Variants in ZFYVE9 observed in about 807,000 individuals in gnomAD.
ZFYVE9 encodes the protein zinc finger FYVE domain-containing protein 9.
A neutral mutation model predicts 126.7 loss-of-function variants in ZFYVE9; 43 were observed. That is an observed-to-expected ratio of 0.34 (90% CI 0.27 to 0.44). The LOEUF (loss-of-function observed/expected upper bound fraction) is 0.44, where lower values mean the gene tolerates loss of function less well. Among genes scored for constraint, ZFYVE9 ranks in the 20% least tolerant of loss-of-function variants. The probability of loss-of-function intolerance (pLI) is 1.00; values close to 1 mark genes in which losing one functional copy is unlikely to be tolerated. For missense variants in ZFYVE9, 1,476 were observed against 1,697.0 expected, an observed-to-expected ratio of 0.87 and a Z score of 2.29; for synonymous variants, 521 against 597.4, an observed-to-expected ratio of 0.87 and a Z score of 1.87.
Position 52,253,756 on chromosome 1 carries a change from C to T in ZFYVE9, c.2179-10017C>T, listed in dbSNP as rs114556240. The T allele has an allele frequency of 9.0e-4, 1,443 of 1,607,542 alleles. 11 individuals are homozygous for T. In the African/African-American group the frequency reaches 0.017, roughly 19 times the overall value. ...ACCAGGATTTGGAGTGGATCAGTTA[C>T]GAGATGACAATCTAGAAACTTATTG... On this transcript the variant is annotated intron_variant, in intron 4 of 18. Transcript: ENST00000287727.
chr1:52,219,804 G>GTGT lies in ZFYVE9; in HGVS notation c.-37+3330_-37+3331insTGT, dbSNP rs1553126056. On this transcript the variant is annotated intron_variant, in intron 2 of 18. Transcript: ENST00000287727. Reference sequence around the variant, plus strand: ...GTGTGTGTGTGTGTGTGTGTGTGTGGCAGAGTCTTACTCTGTCGCCCGGGC... The same window carrying GTGT: ...GTGTGTGTGTGTGTGTGTGTGTGTGGTGTCAGAGTCTTACTCTGTCGCCCGGGC... Among the ~76,000 whole-genome samples, 407 of 88,130 alleles carry GTGT rather than the reference G, an allele frequency of 4.6e-3. 3 individuals are homozygous for GTGT. Among genetic ancestry groups the GTGT allele is most frequent in the Middle Eastern group, 0.019 (3 of 154 alleles). 57.8% of individuals were successfully genotyped at this position (88,130 alleles called of 152,430 possible). A position where few individuals can be genotyped will look rare whatever the true frequency, so the allele number is the denominator to read the frequency against.
At chr1:52,186,699 C>T (rs1484461311) in intron 1 of ZFYVE9, among the ~76,000 whole-genome samples, 1 of 152,126 alleles carries the variant, frequency 6.6e-6, no homozygotes, top group Non-Finnish European at 1.5e-5. Context: ...ATTAGAAACG[C>T]AATCCCATTC....
At chr1:52,260,643 C>G (rs1480104524) in intron 4 of ZFYVE9, among the ~76,000 whole-genome samples, 2 of 151,920 alleles carry the variant, frequency 1.3e-5, no homozygotes. Flanking sequence ...CTGGTGAAAC[C>G]CCATCTCTAC....
At chr1:52,252,122 G>T in intron 4 of ZFYVE9, 1 of 161,656 alleles carries the variant, frequency 6.2e-6, no homozygotes. Flanking sequence ...TATGATAGCA[G>T]AAGATCTACC....
chr1:52,346,465 A>G lies in ZFYVE9; in HGVS notation c.*244A>G. ...ATCTGGGCAGCTTCTGTTCCTGCAC[A>G]ACAGTTATGCTATCCTTGCAGCTAA... On this transcript the variant is annotated 3_prime_UTR_variant, in exon 19 of 19. Coordinates refer to ENST00000287727, the MANE Select transcript of ZFYVE9 (RefSeq NM_004799.4). 2.2e-6 allele frequency: 1 copy of G among 446,482 alleles called. No homozygotes were observed. The highest frequency in any genetic ancestry group is 4.0e-6 in the Non-Finnish European group (1 of 253,000). The allele number at this position is 446,482 out of a possible 1,614,324, so 27.7% of individuals were successfully genotyped here.
intron 13 of ZFYVE9, among the ~76,000 whole-genome samples, chr1:52,314,190 A>C (rs1345245642): frequency 6.6e-6 from 1 of 152,224 alleles, no homozygotes; most frequent in Non-Finnish European, 1.5e-5. Context: ...ATTGTATAAA[A>C]ATTCACATAA....
chr1:52,311,295 A>C (rs1646135021), intron 13 of ZFYVE9, among the ~76,000 whole-genome samples: 1 of 131,248 alleles, frequency 7.6e-6, no homozygotes. Flanking sequence ...ATGGAGTTTC[A>C]CTCTTGTCAC....
chr1:52,187,959 A>G (rs1261712001), intron 1 of ZFYVE9, among the ~76,000 whole-genome samples: 1 of 152,240 alleles, frequency 6.6e-6, no homozygotes, highest in African/African-American at 2.4e-5. Flanking sequence ...CATTTGACCA[A>G]GCAATCCCAT....
chr1:52,332,523 T>A (rs1646351889), intron 13 of ZFYVE9, among the ~76,000 whole-genome samples: 1 of 152,182 alleles, frequency 6.6e-6, no homozygotes, highest in African/African-American at 2.4e-5. Context: ...AAAAAGTGAA[T>A]GCAAAATGTA....
intron 12 of ZFYVE9, among the ~76,000 whole-genome samples, chr1:52,297,912 G>T (rs935389270): frequency 1.3e-5 from 2 of 149,382 alleles, no homozygotes; most frequent in East Asian, 4.1e-4. Flanking sequence ...TAGTAGAGGC[G>T]CATGTTGGCC....
intron 13 of ZFYVE9, among the ~76,000 whole-genome samples, chr1:52,331,850 C>T (rs915159962): frequency 2.7e-5 from 4 of 148,516 alleles, no homozygotes; most frequent in African/African-American, 7.4e-5. Flanking sequence ...GCGATCTTGG[C>T]TCACTGCAAG....
chr1:52,317,393 G>A (rs550024435), intron 13 of ZFYVE9, among the ~76,000 whole-genome samples: 262 of 151,684 alleles, frequency 1.7e-3, no homozygotes, highest in Non-Finnish European at 1.8e-3. Context: ...ATGATGGTGC[G>A]TGTCTGTAAT....
rs1480710916 is a variant in ZFYVE9, at chr1:52,142,892, C to G, written c.-143+489C>G. Reference sequence around the variant, plus strand: ...ATTGGGGGTGCAGAGAGTGCGGGACCAAGAGAGCCCCTGCTACTCCTGGAG... The same window carrying G: ...ATTGGGGGTGCAGAGAGTGCGGGACGAAGAGAGCCCCTGCTACTCCTGGAG... On this transcript the variant is annotated intron_variant, in intron 1 of 18. Transcript: ENST00000287727. The surrounding 1 kb of genome is among the most constrained non-coding windows in gnomAD (Gnocchi z 4.5). 2.0e-5 allele frequency among the ~76,000 whole-genome samples: 3 copies of G among 152,116 alleles called. No homozygotes were observed. Among genetic ancestry groups the G allele is most frequent in the Non-Finnish European group, 4.4e-5 (3 of 68,014 alleles).
chr1:52,231,256 G>A (rs994721765), intron 2 of ZFYVE9, among the ~76,000 whole-genome samples: 2 of 152,168 alleles, frequency 1.3e-5, no homozygotes, highest in Non-Finnish European at 2.9e-5. Flanking sequence ...GGTGGCTCAT[G>A]CGTGTAATCC....
intron 16 of ZFYVE9, 130 bp downstream of exon 16, chr1:52,338,064 C>T (rs943198531): frequency 2.5e-4 from 287 of 1,161,860 alleles, no homozygotes; most frequent in Middle Eastern, 4.1e-4. Flanking sequence ...GCTTTGTATG[C>T]TTAACGTAGA....
chr1:52,174,965 C>T (rs1396463837), intron 1 of ZFYVE9, among the ~76,000 whole-genome samples: 3 of 152,094 alleles, frequency 2.0e-5, no homozygotes, highest in Non-Finnish European at 2.9e-5. Flanking sequence ...TCCAATTTGC[C>T]AGTCTGTGTC....
At chr1:52,299,670 G>A (rs1362206618) in intron 12 of ZFYVE9, among the ~76,000 whole-genome samples, 1 of 152,172 alleles carries the variant, frequency 6.6e-6, no homozygotes, top group African/African-American at 2.4e-5. Flanking sequence ...TGAGTTCAGT[G>A]CCAGGGCTCC....
chr1:52,284,575 A>G (rs1035745081), intron 10 of ZFYVE9, among the ~76,000 whole-genome samples: 2 of 151,952 alleles, frequency 1.3e-5, no homozygotes, highest in Admixed American at 6.6e-5. Context: ...GCCCGCCACC[A>G]CGCCTGGCTA....
intron 15 of ZFYVE9, among the ~76,000 whole-genome samples, chr1:52,336,203 C>T (rs1272779536): frequency 6.6e-6 from 1 of 151,692 alleles, no homozygotes; most frequent in Non-Finnish European, 1.5e-5. Flanking sequence ...GATAATCTTA[C>T]ATATATTTAT....
Sources: gnomAD v4.1 joint callset for allele counts (sites outside exome capture counted in the v4.1 genomes callset) on GRCh38, gnomAD v4.1.1 for gene constraint, Gnocchi (gnomAD v3.1) non-coding constraint, MANE v1.5 for transcripts, NCBI Gene and HGNC (gene_info 2026-07-23, HGNC 2026-07-21) for gene names.